Variants in DZANK1 observed in about 807,000 individuals in gnomAD.
The protein encoded by DZANK1 is double zinc ribbon and ankyrin repeat-containing protein 1.
Under a neutral mutation model 94.5 loss-of-function variants are expected in DZANK1, and 91 were observed. The observed-to-expected ratio is 0.96, with a 90% CI of 0.81 to 1.15. The LOEUF (loss-of-function observed/expected upper bound fraction) is 1.15. Ranked by LOEUF, DZANK1 falls within the 50% of genes most tolerant of loss-of-function variation. DZANK1 has a pLI of 0.00. For missense variants in DZANK1, 903 were observed against 916.4 expected (o/e 0.99, Z 0.19); for synonymous variants, 312 against 325.3 (o/e 0.96, Z 0.44).
Position 18,443,492 on chromosome 20 carries a change from C to A in DZANK1, c.630-28G>T, listed in dbSNP as rs749745560. 7 of 1,308,256 alleles carry A rather than the reference C, an allele frequency of 5.4e-6. No individual in the cohort carries two copies. In the African/African-American group the frequency reaches 1.1e-4, roughly 20 times the overall value. The allele number at this position is 1,308,256 out of a possible 1,614,324, so 81.0% of individuals were successfully genotyped here. A position where few individuals can be genotyped will look rare whatever the true frequency, so the allele number is the denominator to read the frequency against. On this transcript the variant is annotated intron_variant, in intron 7 of 20. Coordinates refer to ENST00000262547, the Ensembl canonical transcript of DZANK1. ...ACAACAAAACAGGTTCCCGATTGGC[C>A]ATGTTCTGGTGGGCCCACATTAAGA...
At chr20:18,433,824 CT>C in intron 8 of DZANK1, 59 bp from the exon 9 acceptor site, 1 of 1,448,446 alleles carries the variant, frequency 6.9e-7, no homozygotes, top group Non-Finnish European at 9.7e-7. Flanking sequence ...ATGAATAGAT[CT>C]TAGAATGTAA....
intron 2 of DZANK1, among the ~76,000 whole-genome samples, chr20:18,464,362 G>A (rs1221175718): frequency 6.6e-6 from 1 of 152,084 alleles, no homozygotes; most frequent in Non-Finnish European, 1.5e-5. Context: ...GGCCCTCACT[G>A]CTTTATTTCT....
chr20:18,433,855 C>T, intron 8 of DZANK1, 90 bp from the exon 9 acceptor site: 1 of 1,109,268 alleles, frequency 9.0e-7, no homozygotes, highest in Non-Finnish European at 1.3e-6. Context: ...TACAGCCGTA[C>T]CACCCTGAAC....
At chr20:18,390,584 G>T in intron 17 of DZANK1, 125 bp from the exon 18 acceptor site, 2 of 803,790 alleles carry the variant, frequency 2.5e-6, no homozygotes, top group Non-Finnish European at 4.2e-6. Flanking sequence ...GCATGTGTGA[G>T]TGTGTGAGTG....
chr20:18,388,538 T>C (rs1272838689), intron 19 of DZANK1, among the ~76,000 whole-genome samples: 1 of 152,216 alleles, frequency 6.6e-6, no homozygotes, highest in Non-Finnish European at 1.5e-5. Flanking sequence ...TTAAATGCTA[T>C]TTAAAAAGCT....
At chr20:18,398,163 G>A (rs1273811114) in intron 14 of DZANK1, among the ~76,000 whole-genome samples, 1 of 152,198 alleles carries the variant, frequency 6.6e-6, no homozygotes, top group Non-Finnish European at 1.5e-5. Flanking sequence ...AATGGCAGCT[G>A]TTATGTCACT....
intron 8 of DZANK1, among the ~76,000 whole-genome samples, chr20:18,440,219 G>A (rs1391724606): frequency 6.6e-6 from 1 of 152,160 alleles, no homozygotes; most frequent in Non-Finnish European, 1.5e-5. Context: ...CACAGTCTGT[G>A]GGGTTTTGCT....
chr20:18,455,854 C>A (rs2059268489), intron 3 of DZANK1, among the ~76,000 whole-genome samples: 1 of 152,210 alleles, frequency 6.6e-6, no homozygotes, highest in Admixed American at 6.5e-5. Context: ...AGTATGGAAG[C>A]CTCAGGTAGT....
chr20:18,442,019 A>G (rs907560395), intron 8 of DZANK1, among the ~76,000 whole-genome samples: 1 of 152,216 alleles, frequency 6.6e-6, no homozygotes, highest in African/African-American at 2.4e-5. Context: ...CGTGGGTCTA[A>G]GTAGGATCCT....
chr20:18,433,928 G>A lies in DZANK1; in HGVS notation c.748-163C>T, dbSNP rs2058395146. ...CGGGCTTGGTTAGTACTTGGTGGAAGAATGTAAAGTTTGATTTGTTTTTGT... is the reference window on the plus strand; with the variant it reads ...CGGGCTTGGTTAGTACTTGGTGGAAAAATGTAAAGTTTGATTTGTTTTTGT... On this transcript the variant is annotated intron_variant, in intron 8 of 20. Coordinates refer to ENST00000262547, the Ensembl canonical transcript of DZANK1. 4 of 571,666 alleles carry A rather than the reference G, an allele frequency of 7.0e-6. No individual in the cohort carries two copies. The East Asian group carries it at 1.1e-4, about 16-fold the overall frequency. 35.4% of individuals were successfully genotyped at this position (571,666 alleles called of 1,614,324 possible). A position where few individuals can be genotyped will look rare whatever the true frequency, so the allele number is the denominator to read the frequency against.
At chr20:18,403,171 T>A (rs773445063) in intron 13 of DZANK1, among the ~76,000 whole-genome samples, 19 of 152,192 alleles carry the variant, frequency 1.2e-4, no homozygotes, top group Non-Finnish European at 2.5e-4. Flanking sequence ...AGATGGGGGC[T>A]CCCTTTCTCT....
chr20:18,404,328 A>G (rs190366788), intron 13 of DZANK1, among the ~76,000 whole-genome samples: 66 of 152,274 alleles, frequency 4.3e-4, no homozygotes, highest in African/African-American at 1.5e-3. Flanking sequence ...TCCAACAATA[A>G]GCACAGCTTA....
rs918914757 is a variant in DZANK1 at position 18,398,993 on chromosome 20, A to T, written c.1433-367T>A. ...CTAATAATATAAAAATTAGCCGAGCATGGTGGCGTGCACCTGTAGTCCCAG... is the reference window on the plus strand; with the variant it reads ...CTAATAATATAAAAATTAGCCGAGCTTGGTGGCGTGCACCTGTAGTCCCAG... On this transcript the variant is annotated intron_variant, in intron 13 of 20. Coordinates refer to ENST00000262547, the Ensembl canonical transcript of DZANK1. Among the ~76,000 whole-genome samples the T allele has an allele frequency of 4.6e-5, 7 of 152,218 alleles. No homozygotes were observed. In the South Asian group the frequency reaches 1.2e-3, roughly 27 times the overall value.
intron 3 of DZANK1, among the ~76,000 whole-genome samples, chr20:18,455,986 C>T (rs1428553099): frequency 6.6e-6 from 1 of 152,194 alleles, no homozygotes; most frequent in Non-Finnish European, 1.5e-5. Flanking sequence ...ATTTCTGAAA[C>T]ATTCTATTGG....
chr20:18,383,580 G>A (rs1456705046), exon 21 of DZANK1: 1 of 152,118 alleles, frequency 6.6e-6, no homozygotes, highest in Non-Finnish European at 1.5e-5. Flanking sequence ...TTAAAAGAGG[G>A]GAAAGAATAT....
At position 18,447,608 on chromosome 20, in the gene DZANK1, G is replaced by A. The variant is rs149698454; in HGVS notation, c.629+1376C>T. On this transcript the variant is annotated intron_variant, in intron 7 of 20. Coordinates refer to ENST00000262547, the Ensembl canonical transcript of DZANK1. ...CTCCCAAAGTGCTGTGATTACAGGT[G>A]TGAGCCACTGCACCCGGACTATAAT... 3.1e-3 allele frequency among the ~76,000 whole-genome samples: 468 copies of A among 152,202 alleles called. 1 individual carries two copies. Among genetic ancestry groups the A allele is most frequent in the African/African-American group, 0.011 (447 of 41,552 alleles).
At chr20:18,406,079 G>A (rs1333968874) in intron 13 of DZANK1, among the ~76,000 whole-genome samples, 5 of 152,246 alleles carry the variant, frequency 3.3e-5, no homozygotes, top group East Asian at 3.8e-4. Context: ...ACTGGTGGCC[G>A]AGGTGCTCTG....
At chr20:18,389,744 C>T (rs2055850607) in exon 19 of DZANK1, 1 of 1,613,856 alleles carries the variant, frequency 6.2e-7, no homozygotes, top group Admixed American at 1.7e-5. Context: ...TGCACGAGAA[C>T]TGGAATCGCT....
At chr20:18,443,386 G>T in exon 8 of DZANK1, 4 of 1,549,622 alleles carry the variant, frequency 2.6e-6, no homozygotes, top group Non-Finnish European at 3.5e-6. Context: ...AGCCAAATAT[G>T]GGTGGGACAG....
Sources: gnomAD v4.1 joint callset for allele counts (sites outside exome capture counted in the v4.1 genomes callset) on GRCh38, gnomAD v4.1.1 for gene constraint, MANE v1.5 for transcripts, NCBI Gene and HGNC (gene_info 2026-07-23, HGNC 2026-07-21) for gene names.